The following KAZN variants were observed in gnomAD, a reference collection of about 807,000 sequenced individuals.
KAZN encodes kazrin, periplakin interacting protein.
A neutral mutation model predicts 87.4 loss-of-function variants in KAZN; 40 were observed. The ratio of observed to expected loss-of-function variants is 0.46; its 90% CI spans 0.36 to 0.60. The LOEUF is 0.60. Ranked by LOEUF, KAZN falls within the 20% of genes least tolerant of loss-of-function variation. KAZN has a pLI of 0.00. For missense variants in KAZN, 898 were observed against 1,073.9 expected (o/e 0.84, Z 2.29); for synonymous variants, 466 against 458.3 (o/e 1.02, Z -0.22).
chr1:14,070,260 G>T (rs983973554), intron 1 of KAZN, among the ~76,000 whole-genome samples: 2 of 151,212 alleles, frequency 1.3e-5, no homozygotes, highest in African/African-American at 4.9e-5. Context: ...AAGGGATTAA[G>T]GTTTTTTTTA....
At chr1:14,534,888 C>A (rs1327152262) in intron 2 of KAZN, among the ~76,000 whole-genome samples, 2 of 152,154 alleles carry the variant, frequency 1.3e-5, no homozygotes, top group African/African-American at 2.4e-5. Flanking sequence ...CTGAGCCTGG[C>A]AGAGCCAGAG....
chr1:14,251,803 C>A (rs948942631), intron 2 of KAZN, among the ~76,000 whole-genome samples: 2 of 151,798 alleles, frequency 1.3e-5, no homozygotes, highest in African/African-American at 4.8e-5. Context: ...TGCATGCAAC[C>A]AAGCCCAGCT....
intron 1 of KAZN, among the ~76,000 whole-genome samples, chr1:14,616,653 G>A (rs914936720): frequency 3.9e-5 from 6 of 152,114 alleles, no homozygotes; most frequent in Admixed American, 2.6e-4. Flanking sequence ...ATACCTCTTG[G>A]CATTTCTGAG....
At chr1:15,088,730 GC>G (rs1476885568) in intron 8 of KAZN, among the ~76,000 whole-genome samples, 1 of 152,074 alleles carries the variant, frequency 6.6e-6, no homozygotes, top group Non-Finnish European at 1.5e-5. Flanking sequence ...CTCCTCCCAA[GC>G]CCTTCTGTCA....
At chr1:14,683,175 G>A (rs1055318974) in intron 1 of KAZN, among the ~76,000 whole-genome samples, 1 of 152,184 alleles carries the variant, frequency 6.6e-6, no homozygotes, top group African/African-American at 2.4e-5. Flanking sequence ...AAGCTGCCAA[G>A]AGTCTCAGTG....
chr1:14,990,891 T>C (rs1335779633), intron 2 of KAZN, among the ~76,000 whole-genome samples: 1 of 150,688 alleles, frequency 6.6e-6, no homozygotes, highest in African/African-American at 2.4e-5. Context: ...TGATCTAGTT[T>C]GCCTGATAAA....
intron 1 of KAZN, among the ~76,000 whole-genome samples, chr1:14,917,865 CCTTCCTTT>C (rs1374962770): frequency 1.3e-5 from 2 of 150,412 alleles, no homozygotes; most frequent in African/African-American, 2.5e-5. Flanking sequence ...TTCCTTCCTT[CCTTCCTTT>C]CTTTCTTTCT....
chr1:14,978,477 G>T (rs1665897278), intron 2 of KAZN, among the ~76,000 whole-genome samples: 1 of 152,208 alleles, frequency 6.6e-6, no homozygotes, highest in South Asian at 2.1e-4. Context: ...AGAGGAGAAG[G>T]TGGTCAACAG....
chr1:15,100,210 AG>A (rs1349060451), intron 10 of KAZN, among the ~76,000 whole-genome samples: 4 of 152,150 alleles, frequency 2.6e-5, no homozygotes, highest in Admixed American at 2.0e-4. Flanking sequence ...GGAAGGGGTT[AG>A]GAGGGAAGAG....
chr1:14,562,330 C>T (rs566275164), intron 2 of KAZN, among the ~76,000 whole-genome samples: 1 of 152,090 alleles, frequency 6.6e-6, no homozygotes, highest in Admixed American at 6.5e-5. Context: ...AAAAAGTATG[C>T]TTGCTTTCGT....
chr1:14,073,096 C>A (rs1643309710), intron 1 of KAZN, among the ~76,000 whole-genome samples: 1 of 152,138 alleles, frequency 6.6e-6, no homozygotes, highest in Non-Finnish European at 1.5e-5. Flanking sequence ...CACATCTCAC[C>A]CAAGGCACCT....
At chr1:14,247,974 G>A (rs988626601) in intron 2 of KAZN, among the ~76,000 whole-genome samples, 4 of 152,154 alleles carry the variant, frequency 2.6e-5, no homozygotes, top group South Asian at 2.1e-4. Flanking sequence ...CTAATTAGGC[G>A]TGAACTCTAA....
chr1:14,028,482 C>T (rs949334798), intron 1 of KAZN, among the ~76,000 whole-genome samples: 1 of 152,196 alleles, frequency 6.6e-6, no homozygotes, highest in Non-Finnish European at 1.5e-5. Flanking sequence ...ATCACATACT[C>T]ACCTCTGCGT....
intron 1 of KAZN, among the ~76,000 whole-genome samples, chr1:14,677,361 A>G (rs1418618198): frequency 6.6e-6 from 1 of 152,164 alleles, no homozygotes; most frequent in Non-Finnish European, 1.5e-5. Context: ...TTCACTGGTG[A>G]TACCCAAGAC....
intron 3 of KAZN, among the ~76,000 whole-genome samples, chr1:15,035,650 C>A (rs938811983): frequency 1.1e-4 from 17 of 152,138 alleles, no homozygotes; most frequent in African/African-American, 4.1e-4. Flanking sequence ...GAATTCGAGA[C>A]CAGCCTGGCC....
At chr1:14,205,884 C>CCAAAAAAA (rs1646729818) in intron 2 of KAZN, among the ~76,000 whole-genome samples, 1 of 35,220 alleles carries the variant, frequency 2.8e-5, no homozygotes, top group Non-Finnish European at 4.4e-5. Flanking sequence ...GACACTGTCT[C>CCAAAAAAA]AAAAAAAAAA....
rs540216491 is a variant in KAZN at position 14,828,180 on chromosome 1, G to T, written c.227-132504G>T. Among the ~76,000 whole-genome samples the T allele has an allele frequency of 3.9e-5, 6 of 152,284 alleles. No homozygotes were observed. In the South Asian group the frequency reaches 1.2e-3, roughly 32 times the overall value. On this transcript the variant is annotated intron_variant, in intron 1 of 14. Transcript: ENST00000376030. ...CCTGGCAACATAGTCACAGTTCAGG[G>T]AACTTTCTGAATTGTGATCATTGTG...
chr1:14,175,060 G>A (rs11800167), intron 1 of KAZN, among the ~76,000 whole-genome samples: 17,408 of 152,164 alleles, frequency 0.11, 1,119 homozygotes, highest in East Asian at 0.33. Context: ...TTTAGAGAGG[G>A]GCAGTTTTTG....
Position 14,495,251 on chromosome 1 carries a change from A to G in KAZN, c.250-103732A>G, listed in dbSNP as rs1036005519. Reference sequence around the variant, plus strand: ...TTCATTGAAGGTCAATCAATAGACAATTTTACCCAGGCCTGGTGATTAAAA... The same window carrying G: ...TTCATTGAAGGTCAATCAATAGACAGTTTTACCCAGGCCTGGTGATTAAAA... On this transcript the variant is annotated intron_variant, in intron 2 of 16. Coordinates refer to the KAZN transcript ENST00000636203. Among the ~76,000 whole-genome samples, 8 of 152,138 alleles carry G rather than the reference A, an allele frequency of 5.3e-5. 1 individual carries two copies. The highest frequency in any genetic ancestry group is 1.9e-4 in the African/African-American group (8 of 41,418).
Sources: gnomAD v4.1 joint callset for allele counts (sites outside exome capture counted in the v4.1 genomes callset) on GRCh38, gnomAD v4.1.1 for gene constraint, MANE v1.5 for transcripts, NCBI Gene and HGNC (gene_info 2026-07-23, HGNC 2026-07-21) for gene names.